The following RBFOX1 variants were observed in gnomAD, a reference collection of about 807,000 sequenced individuals.
RBFOX1 encodes RNA binding fox-1 homolog 1.
RBFOX1 carries 8 observed loss-of-function variants against 57.7 expected under a neutral mutation model. The ratio of observed to expected loss-of-function variants is 0.14; its 90% confidence interval spans 0.08 to 0.25. The LOEUF (loss-of-function observed/expected upper bound fraction) is 0.25. Among genes scored for constraint, RBFOX1 ranks in the 10% least tolerant of loss-of-function variants. The pLI, the probability that RBFOX1 is intolerant of heterozygous loss-of-function variation, is 1.00. For synonymous variants in RBFOX1, 326 were observed against 222.4 expected, an observed-to-expected ratio of 1.47 and a Z score of -4.15; for missense variants, 611 against 548.5, an observed-to-expected ratio of 1.11 and a Z score of -1.14.
intron 1 of RBFOX1, among the ~76,000 whole-genome samples, chr16:5,305,654 A>G (rs781023938): frequency 7.2e-5 from 11 of 152,196 alleles, no homozygotes; most frequent in Non-Finnish European, 1.2e-4. Flanking sequence ...CTGAAGAAGA[A>G]ATGGGAAATC....
intron 3 of RBFOX1, among the ~76,000 whole-genome samples, chr16:6,720,495 A>T (rs767596298): frequency 1.3e-5 from 2 of 152,212 alleles, no homozygotes; most frequent in Non-Finnish European, 2.9e-5. Flanking sequence ...GTTCAAGAGG[A>T]GCCAGCCAGG....
At chr16:6,009,587 A>G (rs540099835) in intron 4 of RBFOX1, among the ~76,000 whole-genome samples, 12 of 152,170 alleles carry the variant, frequency 7.9e-5, no homozygotes, top group South Asian at 2.1e-4. Context: ...CCTGCTAACA[A>G]TTACCTCCTT....
intron 3 of RBFOX1, among the ~76,000 whole-genome samples, chr16:6,709,664 T>A (rs914678786): frequency 6.6e-6 from 1 of 152,318 alleles, no homozygotes; most frequent in Non-Finnish European, 1.5e-5. Context: ...CTTTTACCTC[T>A]CAGAGCCAGT....
intron 4 of RBFOX1, among the ~76,000 whole-genome samples, chr16:7,106,416 A>G (rs182164381): frequency 5.3e-5 from 8 of 152,190 alleles, no homozygotes; most frequent in Non-Finnish European, 7.4e-5. Context: ...TTCATTTTGT[A>G]TTTCTTGTGT....
At chr16:5,627,722 A>G (rs979323086) in intron 3 of RBFOX1, among the ~76,000 whole-genome samples, 2 of 152,226 alleles carry the variant, frequency 1.3e-5, no homozygotes, top group African/African-American at 4.8e-5. Flanking sequence ...TAATACAAAT[A>G]AAAAATACAG....
intron 3 of RBFOX1, among the ~76,000 whole-genome samples, chr16:5,807,924 C>G (rs1303125954): frequency 6.6e-6 from 1 of 152,158 alleles, no homozygotes; most frequent in Non-Finnish European, 1.5e-5. Context: ...CCAGACAGAA[C>G]CACCATAAAC....
At chr16:5,965,500 C>G (rs1002732123) in intron 4 of RBFOX1, among the ~76,000 whole-genome samples, 1 of 152,162 alleles carries the variant, frequency 6.6e-6, no homozygotes, top group Non-Finnish European at 1.5e-5. Context: ...TGCTTCAACT[C>G]AGGCAGAACT....
At chr16:5,532,215 G>A (rs1270911133) in intron 2 of RBFOX1, among the ~76,000 whole-genome samples, 1 of 152,212 alleles carries the variant, frequency 6.6e-6, no homozygotes, top group African/African-American at 2.4e-5. Context: ...AGGATGTTGA[G>A]CAGCACCCAG....
chr16:7,506,391 A>C (rs2073311011), intron 4 of RBFOX1, among the ~76,000 whole-genome samples: 1 of 152,136 alleles, frequency 6.6e-6, no homozygotes. Flanking sequence ...ACCTAGCTTG[A>C]AAAAGAAGAT....
intron 1 of RBFOX1, among the ~76,000 whole-genome samples, chr16:5,331,909 C>G (rs373387176): frequency 1.3e-5 from 2 of 152,240 alleles, no homozygotes; most frequent in African/African-American, 4.8e-5. Flanking sequence ...ATCTAAAAGC[C>G]TCTTGACCCT....
chr16:5,668,080 G>C (rs2049903525), intron 3 of RBFOX1, among the ~76,000 whole-genome samples: 1 of 151,976 alleles, frequency 6.6e-6, no homozygotes, highest in Non-Finnish European at 1.5e-5. Context: ...CAGGAATTCA[G>C]GACCAACCTG....
At chr16:7,696,620 A>ATGAG (rs990198391) in intron 14 of RBFOX1, among the ~76,000 whole-genome samples, 19 of 148,860 alleles carry the variant, frequency 1.3e-4, no homozygotes, top group African/African-American at 4.6e-4. Flanking sequence ...ATAGCATTAA[A>ATGAG]TGAGTCAGGA....
At chr16:6,676,679 T>C (rs951428366) in intron 3 of RBFOX1, among the ~76,000 whole-genome samples, 15 of 144,990 alleles carry the variant, frequency 1.0e-4, no homozygotes, top group Non-Finnish European at 2.1e-4. Flanking sequence ...TTTTCTTTTT[T>C]TTTTTTTTTT....
At chr16:5,696,962 G>A (rs938505630) in intron 3 of RBFOX1, among the ~76,000 whole-genome samples, 1 of 152,036 alleles carries the variant, frequency 6.6e-6, no homozygotes, top group African/African-American at 2.4e-5. Context: ...GCCCAGGCTG[G>A]AGTACAGTGG....
At chr16:6,833,455 C>G (rs1190490174) in intron 3 of RBFOX1, among the ~76,000 whole-genome samples, 1 of 152,202 alleles carries the variant, frequency 6.6e-6, no homozygotes, top group Non-Finnish European at 1.5e-5. Flanking sequence ...GTGTGAACCA[C>G]TGCTCCCAGC....
chr16:6,794,193 G>C (rs575685013), intron 3 of RBFOX1, among the ~76,000 whole-genome samples: 12 of 151,936 alleles, frequency 7.9e-5, no homozygotes, highest in African/African-American at 2.7e-4. Context: ...AAGTTGATGC[G>C]GGATTACTGG....
intron 3 of RBFOX1, among the ~76,000 whole-genome samples, chr16:6,900,199 A>C (rs939247035): frequency 6.6e-6 from 1 of 152,126 alleles, no homozygotes. Flanking sequence ...GGTGAATTGG[A>C]ATGTATCTGT....
At chr16:5,858,899 G>C (rs1597521973) in intron 3 of RBFOX1, among the ~76,000 whole-genome samples, 1 of 152,294 alleles carries the variant, frequency 6.6e-6, no homozygotes, top group East Asian at 1.9e-4. Context: ...GATAGGGAGA[G>C]GGGAAGCTGC....
chr16:6,765,679 G>C (rs146355887), intron 3 of RBFOX1, among the ~76,000 whole-genome samples: 1 of 152,144 alleles, frequency 6.6e-6, no homozygotes, highest in Non-Finnish European at 1.5e-5. Flanking sequence ...AAAGATGCCT[G>C]CTTGCATATA....
Sources: gnomAD v4.1 joint callset for allele counts (sites outside exome capture counted in the v4.1 genomes callset) on GRCh38, gnomAD v4.1.1 for gene constraint, MANE v1.5 for transcripts, NCBI Gene and HGNC (gene_info 2026-07-23, HGNC 2026-07-21) for gene names.